FER1L5: variants seen among roughly 807,000 people sequenced by gnomAD.
The protein encoded by FER1L5 is fer-1-like protein 5.
In FER1L5, 187 loss-of-function variants were observed where a neutral mutation model predicts 279.9. The ratio of observed to expected loss-of-function variants is 0.67; its 90% confidence interval spans 0.59 to 0.75. The LOEUF (loss-of-function observed/expected upper bound fraction) is 0.75, where lower values mean the gene tolerates loss of function less well. Ranked by LOEUF, FER1L5 falls within the 30% of genes least tolerant of loss-of-function variation. The pLI, the probability that FER1L5 is intolerant of heterozygous loss-of-function variation, is 0.00. For missense variants in FER1L5, 2,091 were observed against 2,594.4 expected, an observed-to-expected ratio of 0.81 and a Z score of 4.21; for synonymous variants, 921 against 989.7, an observed-to-expected ratio of 0.93 and a Z score of 1.30.
At chr2:96,663,690 TTACTGAGTTATCATTGACG>T in intron 14 of FER1L5, among the ~76,000 whole-genome samples, 183 bp downstream of exon 14, 1 of 152,184 alleles carries the variant, frequency 6.6e-6, no homozygotes, top group Non-Finnish European at 1.5e-5. Context: ...CTTTTACAGC[TTACTGAGTTATCATTGACG>T]TACCTATGTC....
At position 96,696,045 on chromosome 2, in the gene FER1L5, C is replaced by T. The variant is rs1355464560; in HGVS notation, c.4058-7C>T. On this transcript the variant is annotated splice_region_variant and splice_polypyrimidine_tract_variant and intron_variant, in intron 36 of 52. Coordinates refer to ENST00000624922, the MANE Select transcript of FER1L5 (RefSeq NM_001293083.2). ...CTGAGACTCGTCCCTGCGCTCTCCCCGCACAGCGCTGTCTGAGAAGAAGCA... is the reference window on the plus strand; with the variant it reads ...CTGAGACTCGTCCCTGCGCTCTCCCTGCACAGCGCTGTCTGAGAAGAAGCA... The T allele has an allele frequency of 2.5e-5, 41 of 1,613,794 alleles. No individual in the cohort carries two copies. Among genetic ancestry groups the T allele is most frequent in the East Asian group, 4.5e-5 (2 of 44,888 alleles).
chr2:96,649,820 C>T (rs757226336), intron 5 of FER1L5, 143 bp downstream of exon 5: 22 of 798,626 alleles, frequency 2.8e-5, no homozygotes, highest in East Asian at 8.0e-5. Flanking sequence ...CTGGAAGCTA[C>T]AGGGTCTAGA....
Position 96,691,387 on chromosome 2 carries a change from C to T in FER1L5, c.2907+34C>T, listed in dbSNP as rs1320975876. Reference sequence around the variant, plus strand: ...TCGACGGGCGCCCTGGCTGGGACTGCGGGCAGGGCCGCCTTGGCTGCTGCA... The same window carrying T: ...TCGACGGGCGCCCTGGCTGGGACTGTGGGCAGGGCCGCCTTGGCTGCTGCA... On this transcript the variant is annotated intron_variant, in intron 28 of 52. Transcript: ENST00000624922. This position sits in a 1 kb window ranked among gnomAD's most constrained non-coding sequence, Gnocchi z 6.0. 2.8e-5 allele frequency: 43 copies of T among 1,539,210 alleles called. No individual in the cohort carries two copies. The highest frequency in any genetic ancestry group is 1.5e-4 in the East Asian group (6 of 40,702).
At chr2:96,653,507 T>A (rs115401742) in intron 7 of FER1L5, 133 bp from the exon 8 acceptor site, 3 of 712,712 alleles carry the variant, frequency 4.2e-6, no homozygotes, top group Non-Finnish European at 7.4e-6. Context: ...ATACTCAGCC[T>A]GTACTTGTAA....
chr2:96,669,508 G>A (rs560632115), intron 17 of FER1L5, among the ~76,000 whole-genome samples: 1 of 152,290 alleles, frequency 6.6e-6, no homozygotes, highest in South Asian at 2.1e-4. Flanking sequence ...TTAAACCCAG[G>A]GAAAAACAAG....
chr2:96,659,354 C>CT lies in FER1L5; in HGVS notation c.748-985dup, dbSNP rs1558853488. Among the ~76,000 whole-genome samples, 104 of 64,426 alleles carry CT rather than the reference C, an allele frequency of 1.6e-3. 12 individuals are homozygous for CT. The highest frequency in any genetic ancestry group is 0.021 in the Middle Eastern group (2 of 96). 42.3% of individuals were successfully genotyped at this position (64,426 alleles called of 152,430 possible). ...CCTTCCTTCCTTCCTTCCTTCCTTC[C>CT]TTCCTTCCTTCTTTCTTTCTTTCTT... is the stretch of plus-strand genomic sequence containing the variant. On this transcript the variant is annotated intron_variant, in intron 9 of 52. Coordinates refer to ENST00000624922, the MANE Select transcript of FER1L5 (RefSeq NM_001293083.2).
At chr2:96,661,474 C>A (rs555078919) in intron 11 of FER1L5, 34 bp downstream of exon 11, 2 of 1,543,596 alleles carry the variant, frequency 1.3e-6, no homozygotes, top group African/African-American at 1.4e-5. Context: ...ACTTTCCTAT[C>A]CTGGCTGCCT....
rs1167858813 is a variant in FER1L5 at position 96,691,774 on chromosome 2, G to A, written c.3076-51G>A. 5 of 1,551,560 alleles carry A rather than the reference G, an allele frequency of 3.2e-6. No homozygotes were observed. The highest frequency in any genetic ancestry group is 1.7e-4 in the Middle Eastern group (1 of 6,014). On this transcript the variant is annotated intron_variant, in intron 29 of 52. Coordinates refer to ENST00000624922, the MANE Select transcript of FER1L5 (RefSeq NM_001293083.2). This position sits in a 1 kb window ranked among gnomAD's most constrained non-coding sequence, Gnocchi z 6.0. ...GGAGGGTGACTGGGCCTGGGCTAGA[G>A]GAAACAGGAGCAGCACCCAAGAGCC...
At position 96,646,413 on chromosome 2, in the gene FER1L5, G is replaced by T. The variant is rs71427088; in HGVS notation, c.98G>T (p.Arg33Ile). 6.4e-7 allele frequency: 1 copy of T among 1,551,726 alleles called. No homozygotes were observed. The highest frequency in any genetic ancestry group is 1.2e-5 in the South Asian group (1 of 84,056). The change falls in exon 2 of 53, where the codon AGA becomes ATA. Residue 33 changes from arginine to isoleucine, a missense_variant. Physicochemically the swap from Arg to Ile is moderately conservative, Grantham distance 97. Coordinates refer to ENST00000624922, the MANE Select transcript of FER1L5 (RefSeq NM_001293083.2). ...MSIDFRDIKK[R>I]TRVVEGNDPV... is the part of the protein sequence containing the mutation. ...GGTTTCTTTGCAGATATCAAGAAAA[G>T]AACTCGTGTGGTGGAAGGGAATGAT... is the stretch of plus-strand genomic sequence containing the variant.
intron 42 of FER1L5, 147 bp from the exon 43 acceptor site, chr2:96,699,403 G>A (rs1224985135): frequency 2.1e-5 from 21 of 991,616 alleles, no homozygotes; most frequent in Admixed American, 1.1e-4. Context: ...AGGGGATGGC[G>A]ATTGGCAGAA....
chr2:96,673,113 A>T lies in FER1L5; in HGVS notation c.1528A>T (p.Ile510Phe). 1 of 1,551,590 alleles carries T rather than the reference A, an allele frequency of 6.4e-7. No individual in the cohort carries two copies. Among genetic ancestry groups the T allele is most frequent in the Non-Finnish European group, 8.7e-7 (1 of 1,146,954 alleles). ...CCGCCAAAAGTATGGGCTGTGCGTC[A>T]TCTTCCTTTCCTGTACCATGATGCC... ...QNRQKYGLCV[I>F]FLSCTMMPNF... is the part of the protein sequence containing the mutation. Residue 510 changes from isoleucine (I) to phenylalanine (F), a missense_variant, in exon 19 of 53, where the codon ATC (isoleucine) becomes TTC (phenylalanine). Ile to Phe is a conservative substitution (Grantham distance 21). Transcript: ENST00000624922.
intron 1 of FER1L5, among the ~76,000 whole-genome samples, chr2:96,644,291 A>G (rs1410756801): frequency 1.3e-5 from 2 of 151,868 alleles, no homozygotes; most frequent in Non-Finnish European, 2.9e-5. Context: ...ATCCTGGCTA[A>G]CACGGTGAAA....
Position 96,702,537 on chromosome 2 carries a change from G to C in FER1L5, c.5256-63G>C. On this transcript the variant is annotated intron_variant, in intron 47 of 52. Transcript: ENST00000624922. The surrounding 1 kb of genome is among the most constrained non-coding windows in gnomAD (Gnocchi z 4.0). ...CGTCGGCTGGGCAGCCCTTCCCATG[G>C]GGCTCCAGCTGGGGGATGGGGCCAA... is the stretch of plus-strand genomic sequence containing the variant. 4 of 1,551,070 alleles carry C rather than the reference G, an allele frequency of 2.6e-6. No individual in the cohort carries two copies. The South Asian group carries it at 3.6e-5, about 14-fold the overall frequency.
At chr2:96,662,029 C>T (rs902788678) in intron 12 of FER1L5, among the ~76,000 whole-genome samples, 186 bp from the exon 13 acceptor site, 1 of 152,160 alleles carries the variant, frequency 6.6e-6, no homozygotes, top group African/African-American at 2.4e-5. Flanking sequence ...TCAAGGCTCC[C>T]TATGTCCCCC....
Position 96,704,623 on chromosome 2 carries a change from G to A in FER1L5, c.6105G>A (p.Trp2035Ter). The A allele has an allele frequency of 6.2e-7, 1 of 1,613,932 alleles. No individual in the cohort carries two copies. Among genetic ancestry groups the A allele is most frequent in the Non-Finnish European group, 8.5e-7 (1 of 1,179,882 alleles). Residue 2035 changes from tryptophan to a stop codon, truncating the protein, a stop_gained, in exon 53 of 53, where the codon TGG becomes TGA. Transcript: ENST00000624922. LOFTEE classifies it low-confidence loss of function (END_TRUNC). ...PNLKPTIDHE[W>*]KLHPGPTNHL... is the part of the protein sequence containing the mutation. ...TAAAGCCTACAATAGACCATGAGTG[G>A]AAACTCCACCCAGGACCCACAAATC... is the stretch of plus-strand genomic sequence containing the variant.
chr2:96,661,973 A>G (rs1409090433), intron 12 of FER1L5, among the ~76,000 whole-genome samples, 182 bp downstream of exon 12: 1 of 152,082 alleles, frequency 6.6e-6, no homozygotes, highest in African/African-American at 2.4e-5. Flanking sequence ...CACCCTTTCA[A>G]ACGGGTCTCA....
rs1159083210 is a variant in FER1L5, at chr2:96,687,857, C to T, written c.2271C>T (p.His757=). Residue 757 remains histidine, a synonymous_variant, in exon 24 of 53, where the codon CAC becomes CAT. Transcript: ENST00000624922. ...GACAGAAGGATGTGCTCCCAGCTCA[C>T]CTCCGGGTCTGCATGTGGCTTGGCA... is the stretch of plus-strand genomic sequence containing the variant. ...GEGQKDVLPA[H]LRVCMWLGNV... 6.4e-7 allele frequency: 1 copy of T among 1,551,194 alleles called. No individual in the cohort carries two copies. Among genetic ancestry groups the T allele is most frequent in the African/African-American group, 1.4e-5 (1 of 73,044 alleles).
chr2:96,659,290 TTTCCTTCCTTCCTTCCTTCC>T (rs1179676955), intron 9 of FER1L5, among the ~76,000 whole-genome samples: 1 of 80,940 alleles, frequency 1.2e-5, no homozygotes. Context: ...TTTATCAAGC[TTTCCTTCCTTCCTTCCTTCC>T]TTCCTTCCTT....
At position 96,689,681 on chromosome 2, in the gene FER1L5, C is replaced by T; in HGVS notation, c.2563C>T (p.Leu855=). ...CATAGACATCAACAAGAGCCAGGTG[C>T]TGGAGGAGGTATATGAGAACCAGGG... The part of the protein sequence containing the change: ...LDIDINKSQV[L]EEVYENQGRD... Residue 855 remains leucine, a synonymous_variant, in exon 26 of 53, where the codon CTG becomes TTG. Transcript: ENST00000624922. This position sits in a 1 kb window ranked among gnomAD's most constrained non-coding sequence, Gnocchi z 4.6. The T allele has an allele frequency of 6.4e-7, 1 of 1,551,114 alleles. No individual in the cohort carries two copies. The highest frequency in any genetic ancestry group is 8.7e-7 in the Non-Finnish European group (1 of 1,146,896).
Sources: gnomAD v4.1 joint callset for allele counts (sites outside exome capture counted in the v4.1 genomes callset) on GRCh38, gnomAD v4.1.1 for gene constraint, Gnocchi (gnomAD v3.1) non-coding constraint, MANE v1.5 for transcripts, NCBI Gene and HGNC (gene_info 2026-07-23, HGNC 2026-07-21) for gene names.